Variants in CNTNAP2 observed in about 807,000 individuals in gnomAD.
CNTNAP2 encodes contactin-associated protein-like 2.
CNTNAP2 carries 98 observed loss-of-function variants against 155.2 expected under a neutral mutation model. The ratio of observed to expected loss-of-function variants is 0.63; its 90% CI spans 0.54 to 0.75. The LOEUF is 0.75. Ranked by LOEUF, CNTNAP2 falls within the 30% of genes least tolerant of loss-of-function variation. The pLI is 0.00. For synonymous variants in CNTNAP2, 651 were observed against 631.2 expected, an observed-to-expected ratio of 1.03 and a Z score of -0.47; for missense variants, 1,727 against 1,688.1, an observed-to-expected ratio of 1.02 and a Z score of -0.40.
chr7:146,394,872 G>C (rs1207310170), intron 1 of CNTNAP2, among the ~76,000 whole-genome samples: 1 of 152,026 alleles, frequency 6.6e-6, no homozygotes, highest in Admixed American at 6.6e-5. Context: ...TACCCACTGG[G>C]TAATTTCTCA....
intron 10 of CNTNAP2, among the ~76,000 whole-genome samples, chr7:147,451,126 G>A (rs1040257771): frequency 2.0e-5 from 3 of 152,056 alleles, no homozygotes; most frequent in East Asian, 1.9e-4. Flanking sequence ...GTCAATATAC[G>A]GGTCCTTTGT....
intron 3 of CNTNAP2, among the ~76,000 whole-genome samples, chr7:147,004,811 C>T (rs1798495540): frequency 6.6e-6 from 1 of 151,838 alleles, no homozygotes; most frequent in South Asian, 2.1e-4. Context: ...TTAGCTTCTC[C>T]AAGGCTACCT....
rs147632588 is a variant in CNTNAP2, at chr7:146,905,075, C to T, written c.402+65171C>T. Among the ~76,000 whole-genome samples the T allele has an allele frequency of 5.7e-3, 875 of 152,238 alleles. 5 individuals carry two copies. Among genetic ancestry groups the T allele is most frequent in the Non-Finnish European group, 8.4e-3 (571 of 68,028 alleles). On this transcript the variant is annotated intron_variant, in intron 3 of 23. Coordinates refer to ENST00000361727, the MANE Select transcript of CNTNAP2 (RefSeq NM_014141.6). ...TGGGAGATTGTCCTCTGCATTGTTG[C>T]TTAGCCGAATCCTTCCCATAGGCCT...
At chr7:148,350,367 A>G (rs1798406767) in intron 21 of CNTNAP2, among the ~76,000 whole-genome samples, 1 of 152,186 alleles carries the variant, frequency 6.6e-6, no homozygotes, top group Non-Finnish European at 1.5e-5. Context: ...TCATTCTTGC[A>G]TGAGGATATG....
chr7:147,791,067 T>G (rs1261115644), intron 13 of CNTNAP2, among the ~76,000 whole-genome samples: 1 of 152,234 alleles, frequency 6.6e-6, no homozygotes, highest in African/African-American at 2.4e-5. Context: ...ATGTCATCTG[T>G]TATTTCTAGT....
chr7:147,672,244 A>G (rs1795799416), intron 13 of CNTNAP2: 1 of 152,200 alleles, frequency 6.6e-6, no homozygotes, highest in Non-Finnish European at 1.5e-5. Context: ...CAGAATTACC[A>G]CAAATGATCT....
At chr7:147,244,608 C>T (rs2116645409) in intron 8 of CNTNAP2, among the ~76,000 whole-genome samples, 1 of 152,182 alleles carries the variant, frequency 6.6e-6, no homozygotes, top group East Asian at 1.9e-4. Context: ...TGATGATCCA[C>T]CAGGAACTTA....
chr7:148,162,763 A>G (rs954145903), intron 17 of CNTNAP2, among the ~76,000 whole-genome samples: 2 of 152,202 alleles, frequency 1.3e-5, no homozygotes, highest in African/African-American at 4.8e-5. Context: ...TTGGAGGCCA[A>G]GGCAGGAGGA....
At chr7:147,476,810 C>T (rs1034755421) in intron 10 of CNTNAP2, among the ~76,000 whole-genome samples, 1 of 151,912 alleles carries the variant, frequency 6.6e-6, no homozygotes, top group Admixed American at 6.6e-5. Context: ...CACCTGTAAT[C>T]CCAGCTACTC....
chr7:147,908,751 G>A (rs1002315684), intron 14 of CNTNAP2, among the ~76,000 whole-genome samples: 1 of 152,106 alleles, frequency 6.6e-6, no homozygotes, highest in Admixed American at 6.5e-5. Context: ...AAAAATAAAG[G>A]TTCTATTAAA....
chr7:148,218,171 C>G (rs1795680546), intron 19 of CNTNAP2, among the ~76,000 whole-genome samples: 1 of 152,188 alleles, frequency 6.6e-6, no homozygotes, highest in African/African-American at 2.4e-5. Flanking sequence ...AACATAAATA[C>G]ATTCACTAAA....
intron 4 of CNTNAP2, among the ~76,000 whole-genome samples, chr7:147,049,242 C>A (rs1441222772): frequency 6.6e-6 from 1 of 152,138 alleles, no homozygotes; most frequent in Non-Finnish European, 1.5e-5. Flanking sequence ...ACCAAATGTC[C>A]AGATAAGATT....
intron 3 of CNTNAP2, among the ~76,000 whole-genome samples, chr7:146,881,075 A>G (rs6963027): frequency 0.19 from 28,428 of 152,086 alleles, 3,710 homozygotes; most frequent in African/African-American, 0.38. Context: ...AGATTCCAGG[A>G]AAGTCTTTTA....
At chr7:146,566,365 A>T (rs1040396790) in intron 1 of CNTNAP2, among the ~76,000 whole-genome samples, 4 of 152,220 alleles carry the variant, frequency 2.6e-5, no homozygotes, top group African/African-American at 9.6e-5. Context: ...GGCATCTCAT[A>T]GTAATTTTTT....
At chr7:146,970,412 A>G (rs1258296848) in intron 3 of CNTNAP2, among the ~76,000 whole-genome samples, 2 of 152,212 alleles carry the variant, frequency 1.3e-5, no homozygotes, top group Non-Finnish European at 1.5e-5. Flanking sequence ...ACATGAACAG[A>G]CACTTCTCAA....
At chr7:147,260,884 G>GTAAATA (rs1450398551) in intron 8 of CNTNAP2, among the ~76,000 whole-genome samples, 3 of 152,152 alleles carry the variant, frequency 2.0e-5, no homozygotes, top group African/African-American at 7.2e-5. Context: ...TTGCCAAAAG[G>GTAAATA]TAAATACTTG....
intron 15 of CNTNAP2, among the ~76,000 whole-genome samples, chr7:148,050,697 C>A (rs1289511031): frequency 1.3e-5 from 2 of 152,196 alleles, no homozygotes; most frequent in Admixed American, 6.5e-5. Flanking sequence ...CTCACTGACT[C>A]ACCCACAGCA....
chr7:146,590,054 G>A (rs1423661225), intron 1 of CNTNAP2, among the ~76,000 whole-genome samples: 5 of 152,180 alleles, frequency 3.3e-5, no homozygotes, highest in Admixed American at 2.6e-4. Context: ...TGTGTGCCAG[G>A]AGGAAAGAAG....
intron 1 of CNTNAP2, among the ~76,000 whole-genome samples, chr7:146,569,191 T>C (rs1798403978): frequency 6.6e-6 from 1 of 152,078 alleles, no homozygotes; most frequent in Non-Finnish European, 1.5e-5. Context: ...TAATTTTTTG[T>C]ATTTTTAGTA....
Sources: gnomAD v4.1 joint callset for allele counts (sites outside exome capture counted in the v4.1 genomes callset) on GRCh38, gnomAD v4.1.1 for gene constraint, MANE v1.5 for transcripts, NCBI Gene and HGNC (gene_info 2026-07-23, HGNC 2026-07-21) for gene names.